Variants in TSLP observed in about 807,000 individuals in gnomAD.
The protein encoded by TSLP is thymic stroma-derived lymphopoietin.
Under a neutral mutation model 12.4 loss-of-function variants are expected in TSLP, and 12 were observed. The ratio of observed to expected loss-of-function variants is 0.97; its 90% CI spans 0.62 to 1.57. The LOEUF (loss-of-function observed/expected upper bound fraction) is 1.57. TSLP is among the 40% of genes most tolerant of loss of function. TSLP has a pLI of 0.00. For missense variants in TSLP, 222 were observed against 189.6 expected (o/e 1.17, Z -1.00); for synonymous variants, 97 against 69.5 (o/e 1.40, Z -1.97).
chr5:111,073,805 T>C (rs1349377549), intron 3 of TSLP, among the ~76,000 whole-genome samples, 160 bp downstream of exon 3: 1 of 152,224 alleles, frequency 6.6e-6, no homozygotes, highest in Admixed American at 6.5e-5. Flanking sequence ...AGACCCACGT[T>C]GATACCCGGA....
chr5:111,075,473 A>G (rs970723818), intron 3 of TSLP, among the ~76,000 whole-genome samples: 1 of 152,226 alleles, frequency 6.6e-6, no homozygotes, highest in East Asian at 1.9e-4. Flanking sequence ...ATAAACAGGT[A>G]TAAGATAGCT....
upstream of TSLP, chr5:111,070,415 G>T (rs865920263): frequency 6.5e-6 from 1 of 153,042 alleles, no homozygotes; most frequent in Non-Finnish European, 1.5e-5. Flanking sequence ...AGGGCGGGGG[G>T]CGGGGGTGAG....
chr5:111,073,903 G>A (rs937126577), intron 3 of TSLP, among the ~76,000 whole-genome samples: 1 of 152,170 alleles, frequency 6.6e-6, no homozygotes, highest in Non-Finnish European at 1.5e-5. Flanking sequence ...GCTATGATGA[G>A]TGAGACTTCT....
rs1343531295 is a variant in TSLP at position 111,072,056 on chromosome 5, A to G, written c.166A>G (p.Ser56Gly). The change falls in exon 1 of 4, where the codon AGT (serine) becomes GGT (glycine). Residue 56 changes from serine (S) to glycine (G), a missense_variant. Physicochemically the swap from Ser to Gly is moderately conservative, Grantham distance 56. Coordinates refer to ENST00000344895, the MANE Select transcript of TSLP (RefSeq NM_033035.5). The part of the protein sequence containing the change: ...TISKDLITYM[S>G]GTKSTEFNNT... ...TTCTAAAGACCTGATTACATATATG[A>G]GTGGGGTAAGTGAAGAAGCTTTTTT... is the stretch of plus-strand genomic sequence containing the variant. 3 of 1,607,008 alleles carry G rather than the reference A, an allele frequency of 1.9e-6. No homozygotes were observed. The highest frequency in any genetic ancestry group is 2.6e-6 in the Non-Finnish European group (3 of 1,174,970).
chr5:111,072,306 T>A (rs1044421544), intron 1 of TSLP, among the ~76,000 whole-genome samples: 4 of 152,164 alleles, frequency 2.6e-5, no homozygotes, highest in African/African-American at 9.7e-5. Flanking sequence ...GCGTTATGCG[T>A]CAAAGGATGT....
intron 3 of TSLP, among the ~76,000 whole-genome samples, chr5:111,074,571 T>C (rs1752441564): frequency 1.3e-5 from 2 of 151,872 alleles, no homozygotes; most frequent in African/African-American, 2.4e-5. Flanking sequence ...GATTGCTCCT[T>C]ATTAGCCTAG....
In TSLP at chr5:111,076,238, AT is replaced by A; in HGVS notation, c.*165del. ...TTGTAAGTTTTTATTGTGTAAGTTT[AT>A]AATGCAGGGGAAGTACTACTCCTCA... is the stretch of plus-strand genomic sequence containing the variant. On this transcript the variant is annotated 3_prime_UTR_variant, in exon 4 of 4. Transcript: ENST00000344895. 1 of 787,332 alleles carries A rather than the reference AT, an allele frequency of 1.3e-6. No individual in the cohort carries two copies. The allele number at this position is 787,332 out of a possible 1,614,324, so 48.8% of individuals were successfully genotyped here.
chr5:111,072,590 C>A (rs1003106234), intron 1 of TSLP, among the ~76,000 whole-genome samples: 1 of 152,050 alleles, frequency 6.6e-6, no homozygotes, highest in African/African-American at 2.4e-5. Flanking sequence ...AGTACAGATG[C>A]GGACATCCAA....
chr5:111,076,689 A>C lies in TSLP; in HGVS notation c.*615A>C, dbSNP rs1266173894. 6.6e-6 allele frequency: 1 copy of C among 152,242 alleles called. No homozygotes were observed. Among genetic ancestry groups the C allele is most frequent in the Non-Finnish European group, 1.5e-5 (1 of 68,052 alleles). The allele number at this position is 152,242 out of a possible 1,614,324, so 9.4% of individuals were successfully genotyped here. A position where few individuals can be genotyped will look rare whatever the true frequency, so the allele number is the denominator to read the frequency against. On this transcript the variant is annotated 3_prime_UTR_variant, in exon 4 of 4. Transcript: ENST00000344895. ...TACAGCTACTATAAATATACATATA[A>C]ATTATAGAATCTACTTTAATTTATT...
In TSLP at chr5:111,071,939, A is replaced by C. The variant is rs780307339; in HGVS notation, c.49A>C (p.Ile17Leu). 2 of 1,614,192 alleles carry C rather than the reference A, an allele frequency of 1.2e-6. No individual in the cohort carries two copies. The highest frequency in any genetic ancestry group is 1.7e-6 in the Non-Finnish European group (2 of 1,180,032). The change falls in exon 1 of 4, where the codon ATC (isoleucine) becomes CTC (leucine). Residue 17 changes from isoleucine to leucine, a missense_variant. Ile to Leu is a conservative substitution (Grantham distance 5). Transcript: ENST00000344895. ...TGTTCTGTCAGTTTCTTTCAGGAAA[A>C]TCTTCATCTTACAACTTGTAGGGCT... ...LYVLSVSFRKIFILQLVGLVL... is the reference protein window; with the variant it reads ...LYVLSVSFRKLFILQLVGLVL...
intron 1 of TSLP, 66 bp downstream of exon 1, chr5:111,072,127 A>G (rs985772631): frequency 6.8e-6 from 9 of 1,330,990 alleles, no homozygotes; most frequent in Middle Eastern, 2.8e-4. Context: ...CACACACTCT[A>G]CAATTTAACT....
At position 111,073,497 on chromosome 5, in the gene TSLP, C is replaced by A. The variant is rs768269552; in HGVS notation, c.217-14C>A. The A allele has an allele frequency of 4.3e-6, 7 of 1,613,652 alleles. No individual in the cohort carries two copies. The South Asian group carries it at 7.7e-5, about 18-fold the overall frequency. On this transcript the variant is annotated splice_polypyrimidine_tract_variant and intron_variant, in intron 2 of 3. Coordinates refer to ENST00000344895, the MANE Select transcript of TSLP (RefSeq NM_033035.5). ...TTTTCTCCTTTTCTCGTAAACTTTG[C>A]CGCCTATGAGCAGCCACATTGCCTT...
At chr5:111,073,369 C>T (rs2289277) in intron 2 of TSLP, 142 bp from the exon 3 acceptor site, 10 of 1,527,698 alleles carry the variant, frequency 6.5e-6, no homozygotes, top group Admixed American at 2.1e-5. Flanking sequence ...CTACTCAACC[C>T]TGACCTCTTC....
rs141535387 is a variant in TSLP at position 111,075,613 on chromosome 5, T to C, written c.352-333T>C. ...ACACTGTATTCAGTGCTATGGGGAA[T>C]ACCTATGATGCAATATAAAGAAAAG... On this transcript the variant is annotated intron_variant, in intron 3 of 3. Transcript: ENST00000344895. Among the ~76,000 whole-genome samples the C allele has an allele frequency of 1.4e-3, 209 of 152,318 alleles. 1 individual carries two copies. The highest frequency in any genetic ancestry group is 4.8e-3 in the African/African-American group (199 of 41,578).
chr5:111,075,982 A>C lies in TSLP; in HGVS notation c.388A>C (p.Arg130=), dbSNP rs765773773. The change falls in exon 4 of 4, where the codon AGG becomes CGG. Residue 130 remains arginine (R), a synonymous_variant. Transcript: ENST00000344895. ...TCAGGCAATGAAGAAGAGGAGAAAA[A>C]GGAAAGTCACAACCAATAAATGTCT... ...ATQAMKKRRK[R]KVTTNKCLEQ... 1.5e-5 allele frequency: 25 copies of C among 1,613,844 alleles called. No homozygotes were observed. The South Asian group carries it at 2.6e-4, about 17-fold the overall frequency.
rs552538362 is a variant in TSLP at position 111,076,122 on chromosome 5, T to C, written c.*48T>C. 6.8e-5 allele frequency: 109 copies of C among 1,593,026 alleles called. No individual in the cohort carries two copies. The highest frequency in any genetic ancestry group is 9.2e-5 in the Non-Finnish European group (107 of 1,165,188). On this transcript the variant is annotated 3_prime_UTR_variant, in exon 4 of 4. Transcript: ENST00000344895. The stretch of plus-strand genomic sequence containing the variant: ...TTCACAGCACCAAAATAAATCATCT[T>C]TATTAAGTAGATGAAACATTAACTC...
upstream of TSLP, chr5:111,071,097 G>T: frequency 4.9e-6 from 1 of 205,214 alleles, no homozygotes; most frequent in Non-Finnish European, 9.7e-6. Context: ...TGAAAAGTAG[G>T]GTTTTTGAGA....
intron 1 of TSLP, 48 bp from the exon 2 acceptor site, chr5:111,072,840 T>C: frequency 1.3e-6 from 2 of 1,596,444 alleles, no homozygotes; most frequent in Non-Finnish European, 1.7e-6. Context: ...ATTTTCCTTG[T>C]GGACTTAAAA....
At chr5:111,071,551 A>G, upstream of TSLP, 1 of 1,536,338 alleles carries the variant, frequency 6.5e-7, no homozygotes, top group Non-Finnish European at 8.7e-7. Context: ...TACTGATGTT[A>G]AAATTCCATA....
Sources: allele counts gnomAD v4.1 joint callset (sites outside exome capture counted in the v4.1 genomes callset), GRCh38; gene constraint gnomAD v4.1.1; transcripts MANE v1.5; gene names NCBI Gene and HGNC (gene_info 2026-07-23, HGNC 2026-07-21).